GOLT1A: variants seen among roughly 807,000 people sequenced by gnomAD.
GOLT1A encodes the protein vesicle transport protein GOT1A.
In GOLT1A, 10 loss-of-function variants were observed where a neutral mutation model predicts 16.1. That is an observed-to-expected ratio of 0.62 (90% CI 0.38 to 1.05). The LOEUF (loss-of-function observed/expected upper bound fraction) is 1.05, where lower values mean the gene tolerates loss of function less well. Among genes scored for constraint, GOLT1A ranks in the 50% least tolerant of loss-of-function variants. The pLI is 0.01. For synonymous variants in GOLT1A, 60 were observed against 67.9 expected (o/e 0.88, Z 0.57); for missense variants, 137 against 165.7 (o/e 0.83, Z 0.95).
rs1425379779 is a variant in GOLT1A at position 204,198,168 on chromosome 1, G to A, written c.*290C>T. 7 of 381,582 alleles carry A rather than the reference G, an allele frequency of 1.8e-5. No homozygotes were observed. Among genetic ancestry groups the A allele is most frequent in the Admixed American group, 4.7e-5 (1 of 21,444 alleles). 23.6% of individuals were successfully genotyped at this position (381,582 alleles called of 1,614,324 possible). On this transcript the variant is annotated 3_prime_UTR_variant, in exon 5 of 5. Transcript: ENST00000308302. ...CGCCAACTCTGAGCCTTAGACACAC[G>A]CACAACTTGGGAATTTAATCTTCAC...
intron 4 of GOLT1A, 198 bp downstream of exon 4, chr1:204,198,997 T>A (rs1358019871): frequency 6.8e-6 from 4 of 585,234 alleles, no homozygotes; most frequent in Non-Finnish European, 1.2e-5. Flanking sequence ...CTGGATCCCC[T>A]CTCCTCATGG....
At chr1:204,201,569 G>A in intron 3 of GOLT1A, 64 bp downstream of exon 3, 1 of 1,527,454 alleles carries the variant, frequency 6.5e-7, no homozygotes, top group Non-Finnish European at 9.0e-7. Context: ...CTCCCTGCTG[G>A]GGTGATCTCA....
At chr1:204,210,733 G>A (rs746869203) in intron 1 of GOLT1A, among the ~76,000 whole-genome samples, 19 of 152,238 alleles carry the variant, frequency 1.2e-4, no homozygotes, top group East Asian at 5.8e-4. Context: ...AGCCTCTCAC[G>A]TCTTCAAACC....
intron 1 of GOLT1A, among the ~76,000 whole-genome samples, chr1:204,208,476 G>GTGTATATATATATATATA (rs1286299770): frequency 2.5e-4 from 10 of 39,910 alleles, no homozygotes; most frequent in African/African-American, 5.5e-4. Context: ...GTGTGTGTGT[G>GTGTATATATATATATATA]TATATATATA....
At position 204,198,256 on chromosome 1, in the gene GOLT1A, CT is replaced by C; in HGVS notation, c.*201del. Reference sequence around the variant, plus strand: ...AGCCCCAGCCCAGTCTCCTTGGGGTCTGCATCTCTGCTTCCTGGCAGCCTCT... The same window carrying C: ...AGCCCCAGCCCAGTCTCCTTGGGGTCGCATCTCTGCTTCCTGGCAGCCTCT... On this transcript the variant is annotated 3_prime_UTR_variant, in exon 5 of 5. Coordinates refer to ENST00000308302, the MANE Select transcript of GOLT1A (RefSeq NM_198447.2). 1.7e-6 allele frequency: 1 copy of C among 572,408 alleles called. No individual in the cohort carries two copies. The highest frequency in any genetic ancestry group is 3.1e-6 in the Non-Finnish European group (1 of 325,168). The allele number at this position is 572,408 out of a possible 1,614,324, so 35.5% of individuals were successfully genotyped here. A position where few individuals can be genotyped will look rare whatever the true frequency, so the allele number is the denominator to read the frequency against.
At chr1:204,211,983 G>C (rs1326170262) in intron 1 of GOLT1A, among the ~76,000 whole-genome samples, 4 of 152,088 alleles carry the variant, frequency 2.6e-5, no homozygotes, top group Admixed American at 2.0e-4. Context: ...TCTCATGGAT[G>C]CTCATAGTCC....
intron 1 of GOLT1A, among the ~76,000 whole-genome samples, chr1:204,212,250 T>C (rs1016766027): frequency 1.3e-5 from 2 of 152,092 alleles, no homozygotes; most frequent in Admixed American, 1.3e-4. Context: ...CGTCAGCAAA[T>C]CCTCAACGCT....
At chr1:204,210,413 G>A (rs1659120956) in intron 1 of GOLT1A, among the ~76,000 whole-genome samples, 2 of 152,094 alleles carry the variant, frequency 1.3e-5, no homozygotes, top group Admixed American at 6.6e-5. Flanking sequence ...ATTCCCATGT[G>A]TTTATTTTTG....
intron 1 of GOLT1A, among the ~76,000 whole-genome samples, chr1:204,208,120 GTAGAAC>G (rs1047090271): frequency 6.6e-6 from 1 of 152,060 alleles, no homozygotes; most frequent in Admixed American, 6.5e-5. Flanking sequence ...AGAACTAAAA[GTAGAAC>G]TACCATTTCA....
chr1:204,202,843 G>A, intron 2 of GOLT1A, 53 bp downstream of exon 2: 1 of 1,277,244 alleles, frequency 7.8e-7, no homozygotes, highest in Non-Finnish European at 1.1e-6. Context: ...TGGCAATAGA[G>A]ACTTCAGAAA....
chr1:204,205,564 G>A (rs1659027964), intron 1 of GOLT1A, among the ~76,000 whole-genome samples: 1 of 152,134 alleles, frequency 6.6e-6, no homozygotes, highest in Non-Finnish European at 1.5e-5. Flanking sequence ...TTATTCTGGT[G>A]TTTAGAGGCA....
At chr1:204,204,045 T>C (rs1308505816) in intron 1 of GOLT1A, among the ~76,000 whole-genome samples, 1 of 152,250 alleles carries the variant, frequency 6.6e-6, no homozygotes, top group East Asian at 1.9e-4. Flanking sequence ...AGTTCCTTTT[T>C]TCCTTAACCC....
intron 1 of GOLT1A, among the ~76,000 whole-genome samples, chr1:204,207,612 A>G (rs1659064180): frequency 1.3e-5 from 2 of 152,338 alleles, no homozygotes; most frequent in Non-Finnish European, 2.9e-5. Context: ...CAAGAAAACA[A>G]TATCTCATGG....
Position 204,213,819 on chromosome 1 carries a change from G to C in GOLT1A, c.25+63C>G. On this transcript the variant is annotated intron_variant, in intron 1 of 4. Coordinates refer to ENST00000308302, the MANE Select transcript of GOLT1A (RefSeq NM_198447.2). ...AGTGACAGAGAGCCCAGCTGGGAGA[G>C]AGAGCCAGCCGGCAGGGAGCCTGGC... 2.5e-6 allele frequency: 4 copies of C among 1,577,812 alleles called. No homozygotes were observed. The South Asian group carries it at 4.5e-5, about 18-fold the overall frequency.
chr1:204,200,622 C>A (rs1658942234), intron 3 of GOLT1A, among the ~76,000 whole-genome samples: 1 of 151,912 alleles, frequency 6.6e-6, no homozygotes, highest in Non-Finnish European at 1.5e-5. Flanking sequence ...GCCACTGCAC[C>A]CAGCCATAAA....
At chr1:204,203,491 C>T (rs1456889587) in intron 1 of GOLT1A, among the ~76,000 whole-genome samples, 1 of 152,188 alleles carries the variant, frequency 6.6e-6, no homozygotes, top group Non-Finnish European at 1.5e-5. Context: ...AGAGGCTGGC[C>T]CGCCTGAGCA....
intron 1 of GOLT1A, among the ~76,000 whole-genome samples, chr1:204,204,977 G>A (rs1659017730): frequency 6.6e-6 from 1 of 152,166 alleles, no homozygotes; most frequent in Non-Finnish European, 1.5e-5. Context: ...TTGGAGAATT[G>A]TCTAGTTAAG....
intron 3 of GOLT1A, among the ~76,000 whole-genome samples, chr1:204,200,881 G>A (rs370449027): frequency 3.1e-4 from 47 of 152,236 alleles, no homozygotes; most frequent in African/African-American, 9.4e-4. Context: ...CCACACCACC[G>A]TGTAGACATA....
In GOLT1A at chr1:204,210,888, A is replaced by C. The variant is rs1185225645; in HGVS notation, c.25+2994T>G. ...GAACTGGGCTAATCTTCAATCCCAAACTGGTCTATTTATCTTCCCTCCTTC... is the reference window on the plus strand; with the variant it reads ...GAACTGGGCTAATCTTCAATCCCAACCTGGTCTATTTATCTTCCCTCCTTC... On this transcript the variant is annotated intron_variant, in intron 1 of 4. Coordinates refer to ENST00000308302, the MANE Select transcript of GOLT1A (RefSeq NM_198447.2). Among the ~76,000 whole-genome samples the C allele has an allele frequency of 2.0e-5, 3 of 151,992 alleles. No individual in the cohort carries two copies. The East Asian group carries it at 5.8e-4, about 29-fold the overall frequency.
Sources: allele counts gnomAD v4.1 joint callset (sites outside exome capture counted in the v4.1 genomes callset), GRCh38; gene constraint gnomAD v4.1.1; transcripts MANE v1.5; gene names NCBI Gene and HGNC (gene_info 2026-07-23, HGNC 2026-07-21).